The following PLCD3 variants were observed in gnomAD, a reference collection of about 807,000 sequenced individuals.
The protein encoded by PLCD3 is 1-phosphatidylinositol 4,5-bisphosphate phosphodiesterase delta-3.
A neutral mutation model predicts 82.8 loss-of-function variants in PLCD3; 62 were observed. That is an observed-to-expected ratio of 0.75 (90% CI 0.61 to 0.93). PLCD3 has a LOEUF of 0.93. Among genes scored for constraint, PLCD3 ranks in the 40% least tolerant of loss-of-function variants. PLCD3 has a pLI of 0.00. For synonymous variants in PLCD3, 478 were observed against 471.8 expected (o/e 1.01, Z -0.17); for missense variants, 1,023 against 1,103.4 (o/e 0.93, Z 1.03).
intron 1 of PLCD3, among the ~76,000 whole-genome samples, chr17:45,125,684 T>C (rs1467160867): frequency 6.6e-6 from 1 of 152,238 alleles, no homozygotes; most frequent in African/African-American, 2.4e-5. Context: ...AATGGAATAG[T>C]ATTCAGCCAT....
At chr17:45,113,681 C>G in intron 11 of PLCD3, 76 bp from the exon 12 acceptor site, 1 of 1,499,178 alleles carries the variant, frequency 6.7e-7, no homozygotes, top group Non-Finnish European at 9.0e-7. Context: ...GGACTGCATT[C>G]CTCTCTACAA....
Position 45,118,960 on chromosome 17 carries a change from C to T in PLCD3, c.768G>A (p.Leu256=). The T allele has an allele frequency of 1.2e-6, 2 of 1,612,196 alleles. No homozygotes were observed. Among genetic ancestry groups the T allele is most frequent in the Non-Finnish European group, 1.7e-6 (2 of 1,179,602 alleles). The change falls in exon 5 of 15, where the codon CTG becomes CTA. Residue 256 remains leucine, a synonymous_variant. Transcript: ENST00000619929. The surrounding 1 kb of genome is among the most constrained non-coding windows in gnomAD (Gnocchi z 4.1). ...FLRRLLKRPE[L]EEIFHQYSGE... ...CCGAGTACTGATGGAAGATCTCCTC[C>T]AGCTCCGGCCGCTTCAGCAGCCGCC...
chr17:45,119,164 CAG>C, intron 4 of PLCD3, 121 bp from the exon 5 acceptor site: 6 of 729,184 alleles, frequency 8.2e-6, no homozygotes, highest in Middle Eastern at 2.4e-4. Flanking sequence ...GGTGGAAAAA[CAG>C]AGTAAGACTT....
chr17:45,118,784 T>G lies in PLCD3; in HGVS notation c.913+31A>C, dbSNP rs2054312378. 1 of 1,579,192 alleles carries G rather than the reference T, an allele frequency of 6.3e-7. No homozygotes were observed. Reference sequence around the variant, plus strand: ...TAGCTGGGAACACAGCCCTTTCAGGTGCCACGACCTGGCCGTGCCACCCCC... The same window carrying G: ...TAGCTGGGAACACAGCCCTTTCAGGGGCCACGACCTGGCCGTGCCACCCCC... On this transcript the variant is annotated intron_variant, in intron 5 of 14. Transcript: ENST00000619929. The surrounding 1 kb of genome is among the most constrained non-coding windows in gnomAD (Gnocchi z 4.1).
Position 45,118,760 on chromosome 17 carries a change from AG to A in PLCD3, c.913+54del. 1.3e-6 allele frequency: 2 copies of A among 1,538,374 alleles called. No individual in the cohort carries two copies. The highest frequency in any genetic ancestry group is 1.8e-6 in the Non-Finnish European group (2 of 1,138,456). On this transcript the variant is annotated intron_variant, in intron 5 of 14. Transcript: ENST00000619929. This position sits in a 1 kb window ranked among gnomAD's most constrained non-coding sequence, Gnocchi z 4.1. ...CGCCAGCCCGCAGCAGAACCCGCTT[AG>A]CTGGGAACACAGCCCTTTCAGGTGC... is the stretch of plus-strand genomic sequence containing the variant.
At chr17:45,117,216 A>T (rs1279775069) in intron 7 of PLCD3, among the ~76,000 whole-genome samples, 1 of 152,058 alleles carries the variant, frequency 6.6e-6, no homozygotes, top group African/African-American at 2.4e-5. Context: ...AAGTGCTGGG[A>T]TTACAGGTGA....
chr17:45,112,748 G>C (rs764258252), intron 14 of PLCD3, 44 bp from the exon 15 acceptor site: 326 of 1,591,522 alleles, frequency 2.0e-4, no homozygotes, highest in Non-Finnish European at 2.6e-4. Flanking sequence ...GTGCACCCTG[G>C]GGGTCTGGCC....
chr17:45,121,510 C>T (rs556555177), intron 1 of PLCD3, 138 bp from the exon 2 acceptor site: 2 of 1,064,658 alleles, frequency 1.9e-6, no homozygotes, highest in Admixed American at 3.2e-5. Flanking sequence ...TTCCCTCCCC[C>T]TCACAGGACT....
chr17:45,121,104 G>C lies in PLCD3; in HGVS notation c.352C>G (p.Arg118Gly), dbSNP rs765674814. Residue 118 changes from arginine (R) to glycine (G), a missense_variant, in exon 3 of 15, where the codon CGC becomes GGC. Arg to Gly is a moderately radical substitution (Grantham distance 125). Transcript: ENST00000619929. Reference sequence around the variant, plus strand: ...AGGCCCTCGGACTGGTGGCCCTCGCGGACCGCCTCGATGTGCTGCACGAAG... The same window carrying C: ...AGGCCCTCGGACTGGTGGCCCTCGCCGACCGCCTCGATGTGCTGCACGAAG... ...IFFVQHIEAV[R>G]EGHQSEGLRR... The C allele has an allele frequency of 6.5e-7, 1 of 1,529,160 alleles. No homozygotes were observed. The highest frequency in any genetic ancestry group is 1.4e-5 in the African/African-American group (1 of 71,608). 94.7% of individuals were successfully genotyped at this position (1,529,160 alleles called of 1,614,324 possible). A position where few individuals can be genotyped will look rare whatever the true frequency, so the allele number is the denominator to read the frequency against.
intron 4 of PLCD3, among the ~76,000 whole-genome samples, chr17:45,120,029 G>A (rs923397587): frequency 1.1e-4 from 16 of 152,258 alleles, no homozygotes; most frequent in African/African-American, 3.9e-4. Context: ...CGTGCAAAAG[G>A]TGCCTTGCAG....
At position 45,115,434 on chromosome 17, in the gene PLCD3, C is replaced by G. The variant is rs1347371492; in HGVS notation, c.1470G>C (p.Glu490Asp). The change falls in exon 9 of 15, where the codon GAG (glutamate) becomes GAC (aspartate). Residue 490 changes from glutamate (E) to aspartate (D), a missense_variant. Physicochemically the swap from Glu to Asp is conservative, Grantham distance 45. Around this residue, in one of 3 missense-constraint regions of PLCD3, gnomAD observed 553 missense variants for 655.7 expected, o/e 0.84. Coordinates refer to ENST00000619929, the MANE Select transcript of PLCD3 (RefSeq NM_133373.5). ...CCCGATCCGACAGAGCCCGGCCATC[C>G]TCGCTCCGAGCAGCGGGCAACTTCT... ...KGKKLPAARS[E>D]DGRALSDREE... 1.9e-6 allele frequency: 3 copies of G among 1,612,480 alleles called. No individual in the cohort carries two copies. The highest frequency in any genetic ancestry group is 1.3e-5 in the African/African-American group (1 of 74,868).
rs1460463843 is a variant in PLCD3 at position 45,116,776 on chromosome 17, A to C, written c.1269T>G (p.Pro423=). ...TCTCCAGGGATAGGATGACAGGGTA[A>C]GGGGACAGCTGTGGGGGGAAGGGCA... is the stretch of plus-strand genomic sequence containing the variant. ...AVRDHAFTLS[P]YPVILSLENH... The change falls in exon 8 of 15, where the codon CCT becomes CCG. Residue 423 remains proline (P), a synonymous_variant. Transcript: ENST00000619929. 1.2e-6 allele frequency: 2 copies of C among 1,600,068 alleles called. No individual in the cohort carries two copies. The highest frequency in any genetic ancestry group is 2.2e-5 in the South Asian group (2 of 89,608).
In PLCD3 at chr17:45,118,999, G is replaced by C. The variant is rs567798651; in HGVS notation, c.729C>G (p.Ile243Met). The C allele has an allele frequency of 2.5e-6, 4 of 1,612,346 alleles. No individual in the cohort carries two copies. Among genetic ancestry groups the C allele is most frequent in the Non-Finnish European group, 2.5e-6 (3 of 1,179,586 alleles). The stretch of plus-strand genomic sequence containing the variant: ...TCAGCAGCCGCCGCAGGAACTCCTC[G>C]ATCTCAGCCCCCTCTAGACGGTCGT... The part of the protein sequence containing the change: ...SNNDRLEGAE[I>M]EEFLRRLLKR... The change falls in exon 5 of 15, where the codon ATC becomes ATG. Residue 243 changes from isoleucine (I) to methionine (M), a missense_variant. Ile to Met is a conservative substitution (Grantham distance 10, BLOSUM62 1). Transcript: ENST00000619929. The surrounding 1 kb of genome is among the most constrained non-coding windows in gnomAD (Gnocchi z 4.1).
rs561665856 is a variant in PLCD3, at chr17:45,115,912, T to TA, written c.1414-423dup. On this transcript the variant is annotated intron_variant, in intron 8 of 14. Transcript: ENST00000619929. ...ATTCTTGAAGGACATGCAAGAAAGT[T>TA]AGAGATGGTTACTTCTTGTGAAAGA... 4.7e-4 allele frequency among the ~76,000 whole-genome samples: 71 copies of TA among 152,270 alleles called. 1 individual carries two copies. The South Asian group carries it at 0.014, about 31-fold the overall frequency.
chr17:45,121,067 C>G lies in PLCD3; in HGVS notation c.389G>C (p.Gly130Ala). Residue 130 changes from glycine to alanine, a missense_variant, in exon 3 of 15, where the codon GGG (glycine) becomes GCG (alanine). Gly to Ala is a moderately conservative substitution (Grantham distance 60, BLOSUM62 0). Transcript: ENST00000619929. ...GHQSEGLRRFGGAFAPARCLT... is the reference protein window; with the variant it reads ...GHQSEGLRRFAGAFAPARCLT... ...GCAGCGCGCTGGCGCGAAGGCACCC[C>G]CGAAGCGCCGCAGGCCCTCGGACTG... is the stretch of plus-strand genomic sequence containing the variant. The G allele has an allele frequency of 6.5e-7, 1 of 1,542,276 alleles. No homozygotes were observed. The highest frequency in any genetic ancestry group is 8.7e-7 in the Non-Finnish European group (1 of 1,152,262).
Position 45,113,478 on chromosome 17 carries a change from G to C in PLCD3, c.1956C>G (p.Pro652=). Residue 652 remains proline, a synonymous_variant, in exon 12 of 15, where the codon CCC becomes CCG. Transcript: ENST00000619929. The part of the protein sequence containing the change: ...CLRQPDSTFD[P]EYPGPPRTTL... ...TGGTTCTGGGAGGTCCTGGGTACTC[G>C]GGGTCAAAGGTCGAGTCAGGTTGCC... is the stretch of plus-strand genomic sequence containing the variant. 6.3e-7 allele frequency: 1 copy of C among 1,594,682 alleles called. No individual in the cohort carries two copies. Among genetic ancestry groups the C allele is most frequent in the Admixed American group, 1.8e-5 (1 of 56,964 alleles).
chr17:45,121,504 C>A, intron 1 of PLCD3, 132 bp from the exon 2 acceptor site: 1 of 1,126,850 alleles, frequency 8.9e-7, no homozygotes, highest in Non-Finnish European at 1.2e-6. Flanking sequence ...GTAAGCTTCC[C>A]TCCCCCTCAC....
intron 8 of PLCD3, among the ~76,000 whole-genome samples, chr17:45,115,939 G>T (rs1436884330): frequency 6.6e-6 from 1 of 152,222 alleles, no homozygotes; most frequent in Non-Finnish European, 1.5e-5. Context: ...TGTGAAAGAG[G>T]ACAGGTCAGT....
chr17:45,132,294 G>C lies in PLCD3; in HGVS notation c.117C>G (p.Ser39=). ...PVALPSPPTP[S]DGGTKRPGLR... ...GCCCGGGCCTCTTGGTGCCGCCATCGGAGGGAGTCGGCGGGGACGGGAGAG... is the reference window on the plus strand; with the variant it reads ...GCCCGGGCCTCTTGGTGCCGCCATCCGAGGGAGTCGGCGGGGACGGGAGAG... Residue 39 remains serine, a synonymous_variant, in exon 1 of 15, where the codon TCC becomes TCG. Coordinates refer to ENST00000619929, the MANE Select transcript of PLCD3 (RefSeq NM_133373.5). The surrounding 1 kb of genome is among the most constrained non-coding windows in gnomAD (Gnocchi z 4.6). 1 of 1,267,696 alleles carries C rather than the reference G, an allele frequency of 7.9e-7. No homozygotes were observed. The highest frequency in any genetic ancestry group is 9.9e-7 in the Non-Finnish European group (1 of 1,006,064). The allele number at this position is 1,267,696 out of a possible 1,614,324, so 78.5% of individuals were successfully genotyped here. A position where few individuals can be genotyped will look rare whatever the true frequency, so the allele number is the denominator to read the frequency against.
Sources: allele counts gnomAD v4.1 joint callset (sites outside exome capture counted in the v4.1 genomes callset), GRCh38; gene constraint gnomAD v4.1.1; regional missense constraint gnomAD v4.1.1; non-coding constraint Gnocchi (gnomAD v3.1); transcripts MANE v1.5; gene names NCBI Gene and HGNC (gene_info 2026-07-23, HGNC 2026-07-21).